CDK6: variants seen among roughly 807,000 people sequenced by gnomAD.
CDK6 encodes cyclin dependent kinase 6, also known as cyclin-dependent kinase 6.
A neutral mutation model predicts 37.1 loss-of-function variants in CDK6; 6 were observed. That is an observed-to-expected ratio of 0.16 (90% CI 0.09 to 0.32). The LOEUF is 0.32. CDK6 is among the 10% of genes least tolerant of loss of function. CDK6 has a pLI of 1.00. For synonymous variants in CDK6, 160 were observed against 161.3 expected, an observed-to-expected ratio of 0.99 and a Z score of 0.06; for missense variants, 224 against 418.9, an observed-to-expected ratio of 0.53 and a Z score of 4.06.
chr7:92,630,807 T>C (rs546201528), intron 5 of CDK6, among the ~76,000 whole-genome samples: 15 of 152,296 alleles, frequency 9.8e-5, no homozygotes, highest in Non-Finnish European at 2.2e-4. Context: ...ATTGAAAAAC[T>C]TTAATGACAA....
chr7:92,731,252 A>T (rs997534862), intron 3 of CDK6, among the ~76,000 whole-genome samples: 1 of 152,236 alleles, frequency 6.6e-6, no homozygotes, highest in Non-Finnish European at 1.5e-5. Flanking sequence ...CCTACTTCTC[A>T]CTGTGGTCCT....
In CDK6 at chr7:92,671,509, G is replaced by A. The variant is rs748277804; in HGVS notation, c.564C>T (p.Pro188=). 6.9e-6 allele frequency: 11 copies of A among 1,589,892 alleles called. No individual in the cohort carries two copies. The highest frequency in any genetic ancestry group is 4.1e-5 in the African/African-American group (3 of 73,476). ...CGTAGCTGGACTGGAGCAAGACTTCGGGTGCTCTGTACCACAGCGTGACGA... is the reference window on the plus strand; with the variant it reads ...CGTAGCTGGACTGGAGCAAGACTTCAGGTGCTCTGTACCACAGCGTGACGA... ...SVVVTLWYRA[P]EVLLQSSYAT... Residue 188 remains proline, a synonymous_variant, in exon 5 of 8, where the codon CCC becomes CCT. Coordinates refer to ENST00000424848, the MANE Select transcript of CDK6 (RefSeq NM_001145306.2).
chr7:92,813,098 T>C (rs1800931041), intron 2 of CDK6, among the ~76,000 whole-genome samples: 1 of 152,206 alleles, frequency 6.6e-6, no homozygotes, highest in Non-Finnish European at 1.5e-5. Flanking sequence ...GCCAAGAAAA[T>C]ATATGCAATT....
chr7:92,785,061 T>C (rs1026651346), intron 2 of CDK6, among the ~76,000 whole-genome samples: 3 of 152,202 alleles, frequency 2.0e-5, no homozygotes, highest in Non-Finnish European at 4.4e-5. Flanking sequence ...GTTCACTGAA[T>C]GATGACGCAG....
rs569071632 is a variant in CDK6, at chr7:92,653,970, C to T, written c.647+17456G>A. On this transcript the variant is annotated intron_variant, in intron 5 of 7. Coordinates refer to ENST00000424848, the MANE Select transcript of CDK6 (RefSeq NM_001145306.2). ...ATCCTTCATGTTTGTCAGTTTCTCA[C>T]CATTTTATAAATCTTTTTTCCTTTT... Among the ~76,000 whole-genome samples the T allele has an allele frequency of 1.1e-4, 16 of 152,260 alleles. No individual in the cohort carries two copies. The South Asian group carries it at 1.9e-3, about 18-fold the overall frequency.
chr7:92,731,882 C>T (rs757075507), intron 3 of CDK6, among the ~76,000 whole-genome samples: 1 of 152,030 alleles, frequency 6.6e-6, no homozygotes, highest in Admixed American at 6.6e-5. Flanking sequence ...TATTTTTAAC[C>T]CACTGTGGAA....
At chr7:92,660,539 G>A (rs1796812331) in intron 5 of CDK6, among the ~76,000 whole-genome samples, 1 of 152,182 alleles carries the variant, frequency 6.6e-6, no homozygotes, top group Non-Finnish European at 1.5e-5. Flanking sequence ...TCCTACACCA[G>A]TCTTAGCAAG....
intron 2 of CDK6, among the ~76,000 whole-genome samples, chr7:92,814,383 G>A (rs1486436889): frequency 6.6e-6 from 1 of 152,110 alleles, no homozygotes; most frequent in Admixed American, 6.5e-5. Flanking sequence ...CAGAGCAGCT[G>A]TTCTTAAACT....
In CDK6 at chr7:92,833,083, T is replaced by A. The variant is rs566044832; in HGVS notation, c.233+8A>T. On this transcript the variant is annotated splice_region_variant and intron_variant, in intron 2 of 7. Coordinates refer to ENST00000424848, the MANE Select transcript of CDK6 (RefSeq NM_001145306.2). This position sits in a 1 kb window ranked among gnomAD's most constrained non-coding sequence, Gnocchi z 6.1. ...CCCAGATGGCGAGGGCGCAGCTCCC[T>A]GGCTCACCTGACCACGTTGGGGTGC... 3.8e-6 allele frequency: 6 copies of A among 1,559,428 alleles called. No homozygotes were observed. Among genetic ancestry groups the A allele is most frequent in the African/African-American group, 1.4e-5 (1 of 73,600 alleles).
chr7:92,732,936 G>A (rs1456781894), intron 3 of CDK6, among the ~76,000 whole-genome samples: 3 of 152,172 alleles, frequency 2.0e-5, no homozygotes, highest in Non-Finnish European at 4.4e-5. Flanking sequence ...TGACATCAAT[G>A]AATAGCTGCA....
At chr7:92,821,650 T>C (rs1158673561) in intron 2 of CDK6, among the ~76,000 whole-genome samples, 2 of 151,958 alleles carry the variant, frequency 1.3e-5, no homozygotes, top group African/African-American at 4.8e-5. Flanking sequence ...TATTACTCAC[T>C]CCCTCTCTTC....
chr7:92,816,408 T>C (rs78868202), intron 2 of CDK6, among the ~76,000 whole-genome samples: 3,202 of 152,288 alleles, frequency 0.021, 97 homozygotes, highest in African/African-American at 0.073. Context: ...ATAAGCTATA[T>C]GTTGGACCAA....
chr7:92,803,934 A>G (rs369711176), intron 2 of CDK6, among the ~76,000 whole-genome samples: 1 of 152,310 alleles, frequency 6.6e-6, no homozygotes, highest in African/African-American at 2.4e-5. Flanking sequence ...GCCTCAACCT[A>G]TATAAGCCAT....
intron 5 of CDK6, among the ~76,000 whole-genome samples, chr7:92,660,352 G>C (rs957652130): frequency 1.3e-5 from 2 of 152,172 alleles, no homozygotes; most frequent in African/African-American, 4.8e-5. Flanking sequence ...AGATGACAGA[G>C]GCAGCTGGGC....
chr7:92,731,510 C>G (rs1435873532), intron 3 of CDK6, among the ~76,000 whole-genome samples: 1 of 152,188 alleles, frequency 6.6e-6, no homozygotes, highest in East Asian at 1.9e-4. Context: ...CATGATGAGT[C>G]AGGCACACAT....
rs3066453 is a variant in CDK6 at position 92,702,220 on chromosome 7, CTTTTTTTTTT to C, written c.537+23396_537+23405del. On this transcript the variant is annotated intron_variant, in intron 4 of 7. Transcript: ENST00000424848. ...AATATGTTGCATTATCAAGTATATT[CTTTTTTTTTT>C]TTTTTTTTTTTTTTTTTTTTGAGAC... is the stretch of plus-strand genomic sequence containing the variant. Among the ~76,000 whole-genome samples the C allele has an allele frequency of 2.2e-3, 98 of 44,942 alleles. 1 individual carries two copies. In the East Asian group the frequency reaches 0.056, roughly 25 times the overall value. The allele number at this position is 44,942 out of a possible 152,430, so 29.5% of individuals were successfully genotyped here. A position where few individuals can be genotyped will look rare whatever the true frequency, so the allele number is the denominator to read the frequency against.
At position 92,833,557 on chromosome 7, in the gene CDK6, T is replaced by G; in HGVS notation, c.-234A>C. On this transcript the variant is annotated 5_prime_UTR_variant, in exon 2 of 8. Transcript: ENST00000424848. The surrounding 1 kb of genome is among the most constrained non-coding windows in gnomAD (Gnocchi z 6.1). ...GGTGCCGCCGCCGCGAAACTCCGCC[T>G]GCAGAGTCGCCGCCGCCGCCGCCGC... 1.8e-6 allele frequency: 1 copy of G among 543,702 alleles called. No individual in the cohort carries two copies. The highest frequency in any genetic ancestry group is 2.5e-5 in the South Asian group (1 of 39,804). The allele number at this position is 543,702 out of a possible 1,614,324, so 33.7% of individuals were successfully genotyped here.
intron 4 of CDK6, among the ~76,000 whole-genome samples, chr7:92,711,815 G>A (rs866833517): frequency 3.3e-5 from 5 of 151,272 alleles, no homozygotes; most frequent in Non-Finnish European, 5.9e-5. Flanking sequence ...CAATCTGCCC[G>A]CCTCAGCCTC....
chr7:92,753,705 C>A (rs918801926), intron 3 of CDK6, among the ~76,000 whole-genome samples: 8 of 152,146 alleles, frequency 5.3e-5, no homozygotes, highest in African/African-American at 1.9e-4. Context: ...TCTAAGAGGG[C>A]CAACTAAAAC....
Sources: gnomAD v4.1 joint callset for allele counts (sites outside exome capture counted in the v4.1 genomes callset) on GRCh38, gnomAD v4.1.1 for gene constraint, Gnocchi (gnomAD v3.1) non-coding constraint, MANE v1.5 for transcripts, NCBI Gene and HGNC (gene_info 2026-07-23, HGNC 2026-07-21) for gene names.